KIF24: variants seen among roughly 807,000 people sequenced by gnomAD.
KIF24 encodes the protein kinesin-like protein KIF24.
Under a neutral mutation model 118.9 loss-of-function variants are expected in KIF24, and 81 were observed. The ratio of observed to expected loss-of-function variants is 0.68; its 90% CI spans 0.57 to 0.82. The LOEUF (loss-of-function observed/expected upper bound fraction) is 0.82. Among genes scored for constraint, KIF24 ranks in the 40% least tolerant of loss-of-function variants. KIF24 has a pLI of 0.00. For synonymous variants in KIF24, 599 were observed against 610.0 expected, an observed-to-expected ratio of 0.98 and a Z score of 0.27; for missense variants, 1,560 against 1,661.6, an observed-to-expected ratio of 0.94 and a Z score of 1.06.
intron 1 of KIF24, among the ~76,000 whole-genome samples, chr9:34,325,359 A>AAAAG (rs1554668007): frequency 6.7e-6 from 1 of 148,210 alleles, no homozygotes; most frequent in African/African-American, 2.5e-5. Context: ...AAAAAAAAAA[A>AAAAG]GCAATATGTC....
chr9:34,254,285 G>T lies in KIF24; in HGVS notation c.*95C>A. On this transcript the variant is annotated 3_prime_UTR_variant, in exon 13 of 13. Coordinates refer to ENST00000402558, the MANE Select transcript of KIF24 (RefSeq NM_194313.4). ...AGGCAGGACCAGCGTGTGGGTTCTG[G>T]TGTGTGCAGGGAGGACCTGGCAGAG... is the stretch of plus-strand genomic sequence containing the variant. 7.3e-7 allele frequency: 1 copy of T among 1,363,192 alleles called. No individual in the cohort carries two copies. Among genetic ancestry groups the T allele is most frequent in the Admixed American group, 2.8e-5 (1 of 35,334 alleles). 84.4% of individuals were successfully genotyped at this position (1,363,192 alleles called of 1,614,324 possible).
At chr9:34,270,198 C>T (rs930081587) in intron 7 of KIF24, among the ~76,000 whole-genome samples, 19 of 120,616 alleles carry the variant, frequency 1.6e-4, no homozygotes, top group Non-Finnish European at 2.2e-4. Flanking sequence ...TCCAGCCTGG[C>T]GACAGCAAGA....
In KIF24 at chr9:34,256,414, A is replaced by G; in HGVS notation, c.3193T>C (p.Ser1065Pro). Residue 1065 changes from serine to proline, a missense_variant, in exon 11 of 13, where the codon TCT (serine) becomes CCT (proline). By Grantham distance (74) the Ser-to-Pro change is moderately conservative. Around this residue, in one of 3 missense-constraint regions of KIF24, gnomAD observed 591 missense variants for 655.6 expected, o/e 0.90. Coordinates refer to ENST00000402558, the MANE Select transcript of KIF24 (RefSeq NM_194313.4). ...SLLENPDNEG[S>P]PPSEQLVQDG... ...TGGACCAGCTGCTCCGAGGGAGGAG[A>G]CCCTTCGTTGTCTGGGTTCTCCAGG... 1 of 1,613,720 alleles carries G rather than the reference A, an allele frequency of 6.2e-7. No individual in the cohort carries two copies. Among genetic ancestry groups the G allele is most frequent in the Non-Finnish European group, 8.5e-7 (1 of 1,179,842 alleles).
chr9:34,292,215 TC>T (rs1463500578), intron 4 of KIF24, among the ~76,000 whole-genome samples: 1 of 152,164 alleles, frequency 6.6e-6, no homozygotes, highest in Non-Finnish European at 1.5e-5. Context: ...TTTTCTCCAA[TC>T]CCCAATATGA....
intron 8 of KIF24, among the ~76,000 whole-genome samples, chr9:34,265,740 A>G (rs1207653600): frequency 6.6e-6 from 1 of 152,154 alleles, no homozygotes; most frequent in Admixed American, 6.5e-5. Flanking sequence ...ATACATATAT[A>G]TTAAAGTAGA....
intron 1 of KIF24, among the ~76,000 whole-genome samples, chr9:34,313,966 G>A (rs1304747722): frequency 6.7e-6 from 1 of 149,588 alleles, no homozygotes; most frequent in Middle Eastern, 3.2e-3. Flanking sequence ...TGTTGCCCGG[G>A]CTAGTCTCAA....
Position 34,254,350 on chromosome 9 carries a change from G to T in KIF24, c.*30C>A. 1 of 1,592,448 alleles carries T rather than the reference G, an allele frequency of 6.3e-7. No individual in the cohort carries two copies. On this transcript the variant is annotated 3_prime_UTR_variant, in exon 13 of 13. Coordinates refer to ENST00000402558, the MANE Select transcript of KIF24 (RefSeq NM_194313.4). ...AGAGCCCAGCACAGACTCCTGCAGGGCCCCCACCATCTCGGCACAGGGTCT... is the reference window on the plus strand; with the variant it reads ...AGAGCCCAGCACAGACTCCTGCAGGTCCCCCACCATCTCGGCACAGGGTCT...
chr9:34,298,828 A>G (rs539331192), intron 3 of KIF24, among the ~76,000 whole-genome samples: 1 of 152,300 alleles, frequency 6.6e-6, no homozygotes, highest in Admixed American at 6.5e-5. Context: ...AAATAAAGAG[A>G]TGGATACAGA....
intron 9 of KIF24, among the ~76,000 whole-genome samples, chr9:34,261,116 A>G (rs1835038683): frequency 6.6e-6 from 1 of 152,190 alleles, no homozygotes; most frequent in South Asian, 2.1e-4. Flanking sequence ...ATGGGTAAGG[A>G]ACTATGTTTT....
chr9:34,311,091 T>C lies in KIF24; in HGVS notation c.256A>G (p.Lys86Glu), dbSNP rs145767974. 117 of 1,613,810 alleles carry C rather than the reference T, an allele frequency of 7.2e-5. No individual in the cohort carries two copies. In the African/African-American group the frequency reaches 1.4e-3, roughly 19 times the overall value. The stretch of plus-strand genomic sequence containing the variant: ...GGGCCAGATCTTAATTCCTGAGATT[T>C]GATGCGCAGGCTGCTTGTCTGAAGA... ...RHLQTSSLRI[K>E]SQELRSGPRR... The change falls in exon 2 of 13, where the codon AAA becomes GAA. Residue 86 changes from lysine (K) to glutamate (E), a missense_variant. This residue lies in a region of KIF24 where 964 missense variants were observed against 988.0 expected (regional missense o/e 0.98). Transcript: ENST00000402558.
chr9:34,321,768 G>C (rs1295306762), intron 1 of KIF24, among the ~76,000 whole-genome samples: 1 of 151,806 alleles, frequency 6.6e-6, no homozygotes, highest in Non-Finnish European at 1.5e-5. Flanking sequence ...CACCAAACCT[G>C]ACTAATTTTT....
intron 6 of KIF24, among the ~76,000 whole-genome samples, chr9:34,272,806 T>C (rs965468500): frequency 6.6e-6 from 1 of 152,166 alleles, no homozygotes; most frequent in Non-Finnish European, 1.5e-5. Flanking sequence ...AAATTTTTTG[T>C]AGAGACATGG....
chr9:34,306,227 C>T (rs1208445143), intron 3 of KIF24, 25 bp downstream of exon 3: 9 of 1,515,026 alleles, frequency 5.9e-6, no homozygotes, highest in African/African-American at 2.8e-5. Flanking sequence ...ATATTAGTTC[C>T]AAACATAAAA....
At chr9:34,296,218 CA>C (rs575004699) in intron 4 of KIF24, among the ~76,000 whole-genome samples, 1,641 of 51,810 alleles carry the variant, frequency 0.032, 16 homozygotes, top group Non-Finnish European at 0.043. Context: ...GACTCTGTCT[CA>C]AAAAAAAAAA....
intron 8 of KIF24, among the ~76,000 whole-genome samples, chr9:34,267,569 T>C (rs1835340714): frequency 6.6e-6 from 1 of 152,140 alleles, no homozygotes; most frequent in Non-Finnish European, 1.5e-5. Context: ...AATAGTCATA[T>C]CTTTTTTTAA....
Position 34,318,758 on chromosome 9 carries a change from A to G in KIF24, c.-25-7387T>C. On this transcript the variant is annotated intron_variant, in intron 1 of 12. Transcript: ENST00000402558. The surrounding 1 kb of genome is among the most constrained non-coding windows in gnomAD (Gnocchi z 4.9). Reference sequence around the variant, plus strand: ...CGTGGGCGAGCCGCTGCGTTCACTCAGCAACTCCACCGCGCGCAACGTGAC... The same window carrying G: ...CGTGGGCGAGCCGCTGCGTTCACTCGGCAACTCCACCGCGCGCAACGTGAC... 6.6e-7 allele frequency: 1 copy of G among 1,517,872 alleles called. No homozygotes were observed. 94.0% of individuals were successfully genotyped at this position (1,517,872 alleles called of 1,614,324 possible). A position where few individuals can be genotyped will look rare whatever the true frequency, so the allele number is the denominator to read the frequency against.
upstream of KIF24, among the ~76,000 whole-genome samples, chr9:34,332,180 A>G (rs1452886646): frequency 6.6e-6 from 1 of 152,224 alleles, no homozygotes; most frequent in Non-Finnish European, 1.5e-5. Flanking sequence ...TTCATTGCCT[A>G]CAGAATATAA....
chr9:34,324,660 G>A (rs1837621140), intron 1 of KIF24, among the ~76,000 whole-genome samples: 1 of 152,050 alleles, frequency 6.6e-6, no homozygotes, highest in Admixed American at 6.6e-5. Context: ...CCCTTCAATG[G>A]TATCTTATCA....
intron 1 of KIF24, among the ~76,000 whole-genome samples, chr9:34,312,989 A>G (rs1837218642): frequency 6.6e-6 from 1 of 152,208 alleles, no homozygotes; most frequent in Admixed American, 6.5e-5. Flanking sequence ...GTGAGCCACC[A>G]CACTGGCTGG....
Sources: allele counts gnomAD v4.1 joint callset (sites outside exome capture counted in the v4.1 genomes callset), GRCh38; gene constraint gnomAD v4.1.1; regional missense constraint gnomAD v4.1.1; non-coding constraint Gnocchi (gnomAD v3.1); transcripts MANE v1.5; gene names NCBI Gene and HGNC (gene_info 2026-07-23, HGNC 2026-07-21).